The following SMOC2 variants were observed in gnomAD, a reference collection of about 807,000 sequenced individuals.
The protein encoded by SMOC2 is SPARC-related modular calcium-binding protein 2.
SMOC2 carries 39 observed loss-of-function variants against 61.4 expected under a neutral mutation model. The observed-to-expected ratio is 0.64, with a 90% CI of 0.49 to 0.83. The LOEUF is 0.83. SMOC2 is among the 40% of genes least tolerant of loss of function. SMOC2 has a pLI of 0.00. For synonymous variants in SMOC2, 247 were observed against 239.9 expected, an observed-to-expected ratio of 1.03 and a Z score of -0.27; for missense variants, 556 against 592.9, an observed-to-expected ratio of 0.94 and a Z score of 0.65.
intron 1 of SMOC2, among the ~76,000 whole-genome samples, chr6:168,462,921 C>G (rs962358243): frequency 3.9e-5 from 6 of 152,156 alleles, no homozygotes; most frequent in Admixed American, 3.9e-4. Flanking sequence ...GAGGAGCTGA[C>G]ATTCCTGTAG....
intron 9 of SMOC2, among the ~76,000 whole-genome samples, chr6:168,624,020 G>T (rs4708768): frequency 6.6e-6 from 1 of 152,206 alleles, no homozygotes; most frequent in South Asian, 2.1e-4. Context: ...GCGCTCACCC[G>T]AGTGGCTGCA....
At chr6:168,589,393 G>A (rs1052326380) in intron 7 of SMOC2, among the ~76,000 whole-genome samples, 2 of 152,274 alleles carry the variant, frequency 1.3e-5, no homozygotes, top group African/African-American at 4.8e-5. Flanking sequence ...CAACAGCAAT[G>A]ACATCCATTC....
At chr6:168,662,442 C>G (rs1289542550) in intron 11 of SMOC2, among the ~76,000 whole-genome samples, 1 of 152,158 alleles carries the variant, frequency 6.6e-6, no homozygotes, top group Non-Finnish European at 1.5e-5. Context: ...CTGCAGAGGA[C>G]AGCAGGAACG....
chr6:168,441,310 C>G lies in SMOC2; in HGVS notation c.-61C>G. 1 of 1,473,720 alleles carries G rather than the reference C, an allele frequency of 6.8e-7. No individual in the cohort carries two copies. Among genetic ancestry groups the G allele is most frequent in the South Asian group, 1.3e-5 (1 of 76,866 alleles). The allele number at this position is 1,473,720 out of a possible 1,614,324, so 91.3% of individuals were successfully genotyped here. ...AGCCGCGCTCGCCCACTGGGCTCTC[C>G]CGGCTGCAGTGCCAGGGCGCAGGAC... On this transcript the variant is annotated 5_prime_UTR_variant, in exon 1 of 13. Coordinates refer to ENST00000356284, the MANE Select transcript of SMOC2 (RefSeq NM_001166412.2).
chr6:168,610,186 T>C (rs1285189215), intron 9 of SMOC2, among the ~76,000 whole-genome samples: 1 of 152,196 alleles, frequency 6.6e-6, no homozygotes, highest in Non-Finnish European at 1.5e-5. Context: ...TCAGAAACCA[T>C]GCTCCTCTCT....
chr6:168,528,641 C>G (rs1783513135), intron 4 of SMOC2, among the ~76,000 whole-genome samples: 1 of 152,174 alleles, frequency 6.6e-6, no homozygotes, highest in Non-Finnish European at 1.5e-5. Context: ...AACTCATGAC[C>G]TCTGTGGGTT....
chr6:168,599,295 CATA>C (rs1562372383), intron 8 of SMOC2, among the ~76,000 whole-genome samples: 1 of 89,392 alleles, frequency 1.1e-5, no homozygotes, highest in African/African-American at 4.3e-5. Flanking sequence ...CACACACACA[CATA>C]CCACACACAC....
chr6:168,609,271 T>C (rs2115205738), intron 9 of SMOC2, among the ~76,000 whole-genome samples: 1 of 152,352 alleles, frequency 6.6e-6, no homozygotes, highest in South Asian at 2.1e-4. Flanking sequence ...TGTCTTTGTC[T>C]TAGTTCTTCA....
chr6:168,630,378 A>T (rs570031720), intron 9 of SMOC2, among the ~76,000 whole-genome samples: 1 of 152,300 alleles, frequency 6.6e-6, no homozygotes, highest in South Asian at 2.1e-4. Flanking sequence ...GCAATCTCTA[A>T]ACATAAGTTG....
chr6:168,486,129 G>A (rs1024682413), intron 1 of SMOC2, among the ~76,000 whole-genome samples: 5 of 152,112 alleles, frequency 3.3e-5, no homozygotes, highest in African/African-American at 1.2e-4. Context: ...TTGTCTTAGT[G>A]TCCCTGGTTC....
At chr6:168,547,781 C>T (rs765751790) in intron 6 of SMOC2, among the ~76,000 whole-genome samples, 9 of 151,824 alleles carry the variant, frequency 5.9e-5, no homozygotes, top group African/African-American at 9.7e-5. Flanking sequence ...CCGTGTCCAG[C>T]CTTATGAGGG....
At chr6:168,477,115 G>C (rs1421348056) in intron 1 of SMOC2, among the ~76,000 whole-genome samples, 3 of 152,270 alleles carry the variant, frequency 2.0e-5, no homozygotes, top group East Asian at 3.9e-4. Context: ...TTTTCATGTG[G>C]GTCTGCACTT....
chr6:168,621,878 C>T (rs1786254992), intron 9 of SMOC2, among the ~76,000 whole-genome samples: 1 of 152,206 alleles, frequency 6.6e-6, no homozygotes, highest in African/African-American at 2.4e-5. Flanking sequence ...ACCATATCAC[C>T]ACTCATTGCG....
chr6:168,497,563 C>G (rs546009045), intron 1 of SMOC2, among the ~76,000 whole-genome samples: 1 of 152,076 alleles, frequency 6.6e-6, no homozygotes, highest in Admixed American at 6.5e-5. Flanking sequence ...CCCTCAGTGA[C>G]GGGGGAAGCA....
chr6:168,533,721 T>C (rs1783664590), intron 4 of SMOC2, among the ~76,000 whole-genome samples: 1 of 152,218 alleles, frequency 6.6e-6, no homozygotes, highest in Non-Finnish European at 1.5e-5. Flanking sequence ...TCTTTAGCCT[T>C]CGTAGGTCTT....
intron 9 of SMOC2, among the ~76,000 whole-genome samples, chr6:168,644,864 G>T (rs1454960872): frequency 1.3e-5 from 2 of 151,842 alleles, no homozygotes; most frequent in Admixed American, 6.6e-5. Context: ...TGGCCAGACT[G>T]GTCTCAAACT....
At chr6:168,507,659 C>T (rs925752552) in intron 1 of SMOC2, among the ~76,000 whole-genome samples, 11 of 152,250 alleles carry the variant, frequency 7.2e-5, no homozygotes, top group African/African-American at 2.2e-4. Flanking sequence ...GTGGTTGAGA[C>T]TCATCTGTGG....
At chr6:168,617,110 CA>C (rs1316866276) in intron 9 of SMOC2, among the ~76,000 whole-genome samples, 1 of 152,154 alleles carries the variant, frequency 6.6e-6, no homozygotes, top group East Asian at 1.9e-4. Context: ...GATTTTATTA[CA>C]ATATTTCTTT....
chr6:168,586,841 T>C (rs963363071), intron 7 of SMOC2, among the ~76,000 whole-genome samples: 2 of 152,228 alleles, frequency 1.3e-5, no homozygotes, highest in Non-Finnish European at 1.5e-5. Context: ...TCATTTTCAC[T>C]TATTAATTTT....
Sources: allele counts gnomAD v4.1 joint callset (sites outside exome capture counted in the v4.1 genomes callset), GRCh38; gene constraint gnomAD v4.1.1; transcripts MANE v1.5; gene names NCBI Gene and HGNC (gene_info 2026-07-23, HGNC 2026-07-21).